Variants in PTK2 observed in about 807,000 individuals in gnomAD.
PTK2 encodes protein tyrosine kinase 2.
In PTK2, 45 loss-of-function variants were observed where a neutral mutation model predicts 150.1. The ratio of observed to expected loss-of-function variants is 0.30; its 90% confidence interval spans 0.24 to 0.38. PTK2 has a LOEUF of 0.38. Among genes scored for constraint, PTK2 ranks in the 10% least tolerant of loss-of-function variants. PTK2 has a pLI of 1.00. For missense variants in PTK2, 919 were observed against 1,307.3 expected (o/e 0.70, Z 4.58); for synonymous variants, 432 against 449.2 (o/e 0.96, Z 0.48).
chr8:140,915,901 C>CA (rs1472645969), intron 2 of PTK2, among the ~76,000 whole-genome samples: 1 of 80,864 alleles, frequency 1.2e-5, no homozygotes, highest in Non-Finnish European at 3.7e-5. Flanking sequence ...AACTCGGTCT[C>CA]AAAAAACAAA....
intron 23 of PTK2, among the ~76,000 whole-genome samples, chr8:140,715,529 A>G (rs573473924): frequency 1.3e-5 from 2 of 152,264 alleles, no homozygotes; most frequent in East Asian, 3.9e-4. Context: ...GTCAAAGAGT[A>G]AATATTTTAA....
intron 1 of PTK2, among the ~76,000 whole-genome samples, chr8:140,965,000 T>C (rs1330271427): frequency 6.6e-6 from 1 of 152,200 alleles, no homozygotes; most frequent in Admixed American, 6.5e-5. Context: ...CATGAACGGA[T>C]ATGGAAACTA....
chr8:140,761,146 G>A lies in PTK2; in HGVS notation c.1332+19C>T, dbSNP rs781421008. Reference sequence around the variant, plus strand: ...TAGTCAAAATTAGTCTAGTTGTTTGGTAGTCTTAAAAGACTTACTGGACTC... The same window carrying A: ...TAGTCAAAATTAGTCTAGTTGTTTGATAGTCTTAAAAGACTTACTGGACTC... On this transcript the variant is annotated intron_variant, in intron 16 of 31. Transcript: ENST00000522684. The A allele has an allele frequency of 6.4e-5, 97 of 1,509,240 alleles. No homozygotes were observed. The Admixed American group carries it at 1.3e-3, about 21-fold the overall frequency. The allele number at this position is 1,509,240 out of a possible 1,614,324, so 93.5% of individuals were successfully genotyped here.
intron 2 of PTK2, among the ~76,000 whole-genome samples, chr8:140,903,946 G>A (rs1248030728): frequency 6.6e-6 from 1 of 152,156 alleles, no homozygotes; most frequent in African/African-American, 2.4e-5. Context: ...CACAAACAGA[G>A]ACAATTTTGA....
intron 10 of PTK2, among the ~76,000 whole-genome samples, chr8:140,810,091 A>G (rs2100100539): frequency 6.6e-6 from 1 of 152,110 alleles, no homozygotes; most frequent in Non-Finnish European, 1.5e-5. Flanking sequence ...CCCTGGGGGA[A>G]TGGGTGAGTG....
intron 26 of PTK2, among the ~76,000 whole-genome samples, chr8:140,696,910 C>T (rs2100026912): frequency 6.6e-6 from 1 of 151,878 alleles, no homozygotes; most frequent in African/African-American, 2.4e-5. Context: ...AAATACAATA[C>T]CATCTCACAG....
At chr8:140,733,649 G>T (rs936638316) in intron 22 of PTK2, among the ~76,000 whole-genome samples, 2 of 152,150 alleles carry the variant, frequency 1.3e-5, no homozygotes, top group Non-Finnish European at 2.9e-5. Flanking sequence ...AGCTGTAAAG[G>T]TGAGAGAATA....
At chr8:140,892,476 C>T (rs2100154572) in intron 2 of PTK2, 1 of 279,638 alleles carries the variant, frequency 3.6e-6, no homozygotes, top group Non-Finnish European at 7.0e-6. Flanking sequence ...GGGAAGGCTA[C>T]AGTGAGCCGA....
At chr8:140,764,154 GAC>G (rs760037543) in intron 15 of PTK2, 78 bp downstream of exon 17, 11 of 1,160,660 alleles carry the variant, frequency 9.5e-6, no homozygotes, top group Non-Finnish European at 1.4e-5. Context: ...GCTCTAAAAA[GAC>G]AGTAAGTATC....
At chr8:140,759,487 T>C (rs530553089) in intron 16 of PTK2, among the ~76,000 whole-genome samples, 1 of 142,768 alleles carries the variant, frequency 7.0e-6, no homozygotes, top group Non-Finnish European at 1.5e-5. Context: ...AGAGCCATGA[T>C]TGTACCACTG....
chr8:140,667,222 T>C (rs1462923680), intron 30 of PTK2, among the ~76,000 whole-genome samples: 2 of 152,194 alleles, frequency 1.3e-5, no homozygotes, highest in Non-Finnish European at 2.9e-5. Flanking sequence ...ATGTACCTAA[T>C]GCTTCTGAAA....
intron 1 of PTK2, among the ~76,000 whole-genome samples, chr8:140,929,319 T>A (rs143101429): frequency 0.018 from 2,742 of 152,310 alleles, 39 homozygotes; most frequent in Non-Finnish European, 0.023. Flanking sequence ...AAATCTCATT[T>A]ATATTTTACA....
At chr8:140,951,107 C>T (rs183919251) in intron 1 of PTK2, among the ~76,000 whole-genome samples, 1 of 152,214 alleles carries the variant, frequency 6.6e-6, no homozygotes, top group East Asian at 1.9e-4. Flanking sequence ...CTCAGGGAGG[C>T]CTTCCTTTCT....
chr8:140,765,278 A>C (rs2100071696), intron 14 of PTK2: 1 of 152,192 alleles, frequency 6.6e-6, no homozygotes, highest in Admixed American at 6.5e-5. Flanking sequence ...TGAAACGAAA[A>C]GCTACAAGTT....
chr8:140,823,847 T>C (rs1426159767), intron 8 of PTK2, among the ~76,000 whole-genome samples: 1 of 152,212 alleles, frequency 6.6e-6, no homozygotes, highest in Non-Finnish European at 1.5e-5. Flanking sequence ...CTGTATTTTC[T>C]TCTTCCTCCT....
At chr8:140,836,422 G>A (rs528448230) in intron 7 of PTK2, among the ~76,000 whole-genome samples, 1 of 152,330 alleles carries the variant, frequency 6.6e-6, no homozygotes, top group African/African-American at 2.4e-5. Flanking sequence ...CTTAGGCTAT[G>A]AGGTGGCTAT....
At chr8:140,808,069 A>G (rs139509714) in intron 10 of PTK2, among the ~76,000 whole-genome samples, 10 of 152,314 alleles carry the variant, frequency 6.6e-5, no homozygotes, top group Non-Finnish European at 1.2e-4. Flanking sequence ...TTTTGCAATA[A>G]ATGACACGAA....
At chr8:140,950,428 A>C (rs1380770685) in intron 1 of PTK2, among the ~76,000 whole-genome samples, 1 of 152,250 alleles carries the variant, frequency 6.6e-6, no homozygotes, top group African/African-American at 2.4e-5. Flanking sequence ...AGCCTTGCAC[A>C]GAACTGGCAC....
intron 10 of PTK2, among the ~76,000 whole-genome samples, 155 bp from the exon 11 acceptor site, chr8:140,803,805 G>A (rs1268326359): frequency 6.6e-6 from 1 of 152,196 alleles, no homozygotes; most frequent in Non-Finnish European, 1.5e-5. Flanking sequence ...TGCCCCAGGG[G>A]AGCAGCCATG....
Sources: allele counts gnomAD v4.1 joint callset (sites outside exome capture counted in the v4.1 genomes callset), GRCh38; gene constraint gnomAD v4.1.1; transcripts MANE v1.5; gene names NCBI Gene and HGNC (gene_info 2026-07-23, HGNC 2026-07-21).